The following ROBO1 variants were observed in gnomAD, a reference collection of about 807,000 sequenced individuals.
ROBO1 encodes the protein roundabout guidance receptor 1.
In ROBO1, 149 loss-of-function variants were observed where a neutral mutation model predicts 195.9. The ratio of observed to expected loss-of-function variants is 0.76; its 90% CI spans 0.67 to 0.87. The LOEUF (loss-of-function observed/expected upper bound fraction) is 0.87. Ranked by LOEUF, ROBO1 falls within the 40% of genes least tolerant of loss-of-function variation. The pLI is 0.00. For synonymous variants in ROBO1, 816 were observed against 733.2 expected, an observed-to-expected ratio of 1.11 and a Z score of -1.82; for missense variants, 1,933 against 2,068.3, an observed-to-expected ratio of 0.93 and a Z score of 1.27.
chr3:79,291,649 A>G (rs557080461), intron 2 of ROBO1, among the ~76,000 whole-genome samples: 5 of 152,336 alleles, frequency 3.3e-5, no homozygotes, highest in African/African-American at 1.2e-4. Context: ...TCTTCAATGC[A>G]TAGCACAATA....
intron 4 of ROBO1, among the ~76,000 whole-genome samples, chr3:78,820,118 C>T (rs1049430035): frequency 6.6e-6 from 1 of 152,168 alleles, no homozygotes; most frequent in Non-Finnish European, 1.5e-5. Context: ...AATTTCTCTA[C>T]GTCTTTCAGG....
chr3:78,641,214 A>C (rs1039375671), intron 21 of ROBO1, among the ~76,000 whole-genome samples: 3 of 152,174 alleles, frequency 2.0e-5, no homozygotes, highest in African/African-American at 7.2e-5. Flanking sequence ...AAAGATGAGG[A>C]AATGGGACGT....
intron 4 of ROBO1, among the ~76,000 whole-genome samples, chr3:78,928,421 T>C (rs948270689): frequency 6.6e-6 from 1 of 152,056 alleles, no homozygotes; most frequent in African/African-American, 2.4e-5. Context: ...TGCAGTGACC[T>C]AAGTGTTAAT....
chr3:79,136,079 G>A (rs1433862914), intron 2 of ROBO1, among the ~76,000 whole-genome samples: 1 of 152,084 alleles, frequency 6.6e-6, no homozygotes, highest in African/African-American at 2.4e-5. Context: ...ATTAAAATAG[G>A]TAATATTGGT....
At chr3:78,903,889 C>T (rs888783004) in intron 4 of ROBO1, among the ~76,000 whole-genome samples, 7 of 152,006 alleles carry the variant, frequency 4.6e-5, no homozygotes, top group Middle Eastern at 3.2e-3. Flanking sequence ...AATACAGGCT[C>T]TGCCATTTAA....
At chr3:78,665,543 T>C (rs1201939474) in intron 14 of ROBO1, among the ~76,000 whole-genome samples, 2 of 152,230 alleles carry the variant, frequency 1.3e-5, no homozygotes, top group African/African-American at 4.8e-5. Context: ...TTTGGCATAC[T>C]AGCTGTCTTT....
chr3:78,762,163 T>G (rs1056678703), intron 4 of ROBO1, among the ~76,000 whole-genome samples: 1 of 152,042 alleles, frequency 6.6e-6, no homozygotes, highest in Non-Finnish European at 1.5e-5. Flanking sequence ...GACAGATATC[T>G]TTAGGTAAGT....
Position 78,636,079 on chromosome 3 carries a change from G to C in ROBO1, c.3067C>G (p.Leu1023Val). The C allele has an allele frequency of 1.9e-6, 3 of 1,612,492 alleles. No homozygotes were observed. The highest frequency in any genetic ancestry group is 2.5e-6 in the Non-Finnish European group (3 of 1,178,816). ...ADCIANYNNQ[L>V]DNKQTNLMLP... ...ATCAGATTTGTTTGTTTGTTATCCA[G>C]TTGGTTGTTATAATTTGCTATACAA... Residue 1023 changes from leucine (L) to valine (V), a missense_variant, in exon 23 of 31, where the codon CTG becomes GTG. Leu to Val is a conservative substitution (Grantham distance 32). Transcript: ENST00000464233.
rs531246058 is a variant in ROBO1, at chr3:79,556,146, T to A, written c.88+33678A>T. On this transcript the variant is annotated intron_variant, in intron 2 of 30. Transcript: ENST00000464233. ...TCTTTTATCTTTTATTCTTTAAATA[T>A]ATAGAATTATAAATCTTTAGTTCTT... Among the ~76,000 whole-genome samples the A allele has an allele frequency of 1.6e-3, 239 of 152,260 alleles. 2 individuals carry two copies. Among genetic ancestry groups the A allele is most frequent in the African/African-American group, 5.6e-3 (233 of 41,580 alleles).
intron 1 of ROBO1, among the ~76,000 whole-genome samples, chr3:79,726,497 A>G (rs1407884240): frequency 6.6e-6 from 1 of 152,224 alleles, no homozygotes; most frequent in Non-Finnish European, 1.5e-5. Flanking sequence ...ATCATGGGGC[A>G]GCTTGTATGA....
intron 1 of ROBO1, among the ~76,000 whole-genome samples, chr3:79,752,107 A>G (rs1458464737): frequency 6.6e-6 from 1 of 152,180 alleles, no homozygotes; most frequent in Non-Finnish European, 1.5e-5. Context: ...CAGATGTAGG[A>G]ACAACACACC....
Position 79,589,824 on chromosome 3 carries a change from C to T in ROBO1, c.88G>A (p.Asp30Asn). The change falls in exon 2 of 31, where the codon GAC becomes AAC. Residue 30 changes from aspartate to asparagine, a missense_variant and splice_region_variant. Asp to Asn is a conservative substitution (Grantham distance 23). This residue lies in a region of ROBO1 where 185 missense variants were observed against 159.5 expected (regional missense o/e 1.16). Coordinates refer to ENST00000464233, the MANE Select transcript of ROBO1 (RefSeq NM_002941.4). ...GATGAAACAAATGCACAGCACTTAC[C>T]TGGAATAAGCTGGGCCAGAAACAGG... ...NHLFLAQLIP[D>N]PEDVERGNDH... 1 of 1,609,480 alleles carries T rather than the reference C, an allele frequency of 6.2e-7. No homozygotes were observed. The highest frequency in any genetic ancestry group is 8.5e-7 in the Non-Finnish European group (1 of 1,176,656).
chr3:79,038,714 T>TAAAA, intron 3 of ROBO1, among the ~76,000 whole-genome samples: 1 of 134,162 alleles, frequency 7.5e-6, no homozygotes, highest in Non-Finnish European at 1.6e-5. Context: ...AAGTCCAATT[T>TAAAA]AAAAAAAAAA....
At chr3:79,282,123 GA>G (rs994219755) in intron 2 of ROBO1, among the ~76,000 whole-genome samples, 4 of 151,918 alleles carry the variant, frequency 2.6e-5, no homozygotes, top group Non-Finnish European at 5.9e-5. Context: ...TACATGCTAC[GA>G]AAAAAATAAT....
At chr3:78,893,071 G>C (rs773153268) in intron 4 of ROBO1, among the ~76,000 whole-genome samples, 1 of 152,138 alleles carries the variant, frequency 6.6e-6, no homozygotes, top group Non-Finnish European at 1.5e-5. Context: ...TAAGCACAGC[G>C]TACTAGGAGA....
intron 21 of ROBO1, among the ~76,000 whole-genome samples, chr3:78,641,788 C>T (rs1433493144): frequency 6.6e-6 from 1 of 151,890 alleles, no homozygotes; most frequent in Non-Finnish European, 1.5e-5. Flanking sequence ...CTCTGATTCC[C>T]TCTGAAAAAC....
chr3:79,500,579 G>A (rs1940015831), intron 2 of ROBO1, among the ~76,000 whole-genome samples: 1 of 152,204 alleles, frequency 6.6e-6, no homozygotes, highest in South Asian at 2.1e-4. Flanking sequence ...TGTCCGTGAA[G>A]ACCTGATGAC....
intron 1 of ROBO1, among the ~76,000 whole-genome samples, chr3:79,640,011 A>G (rs1177373932): frequency 6.6e-6 from 1 of 152,148 alleles, no homozygotes; most frequent in African/African-American, 2.4e-5. Context: ...TCTTTTCTTC[A>G]TCATCCAGGG....
chr3:78,724,052 C>T (rs1288930849), intron 5 of ROBO1, among the ~76,000 whole-genome samples: 1 of 152,080 alleles, frequency 6.6e-6, no homozygotes, highest in Non-Finnish European at 1.5e-5. Flanking sequence ...AAACAAGCCT[C>T]ACCAAGCCTG....
Sources: allele counts gnomAD v4.1 joint callset (sites outside exome capture counted in the v4.1 genomes callset), GRCh38; gene constraint gnomAD v4.1.1; regional missense constraint gnomAD v4.1.1; transcripts MANE v1.5; gene names NCBI Gene and HGNC (gene_info 2026-07-23, HGNC 2026-07-21).